The following RAB28 variants were observed in gnomAD, a reference collection of about 807,000 sequenced individuals.
RAB28 encodes the protein ras-related protein Rab-28.
In RAB28, 24 loss-of-function variants were observed where a neutral mutation model predicts 31.7. That is an observed-to-expected ratio of 0.76 (90% CI 0.55 to 1.06). The LOEUF (loss-of-function observed/expected upper bound fraction) is 1.06, where lower values mean the gene tolerates loss of function less well. RAB28 is among the 50% of genes least tolerant of loss of function. The pLI, the probability that RAB28 is intolerant of heterozygous loss-of-function variation, is 0.00. For missense variants in RAB28, 254 were observed against 258.5 expected (o/e 0.98, Z 0.12); for synonymous variants, 100 against 90.4 (o/e 1.11, Z -0.60).
At chr4:13,442,079 C>T (rs1237115000) in intron 4 of RAB28, among the ~76,000 whole-genome samples, 1 of 152,148 alleles carries the variant, frequency 6.6e-6, no homozygotes, top group Non-Finnish European at 1.5e-5. Flanking sequence ...ATACATAAAA[C>T]AGGGTAATCT....
chr4:13,471,770 T>G (rs1716132584), intron 3 of RAB28, among the ~76,000 whole-genome samples: 1 of 152,086 alleles, frequency 6.6e-6, no homozygotes, highest in East Asian at 1.9e-4. Flanking sequence ...ACTAAATTAT[T>G]GTTTAATAAA....
chr4:13,433,143 A>G (rs1215042393), intron 4 of RAB28, among the ~76,000 whole-genome samples: 2 of 151,726 alleles, frequency 1.3e-5, no homozygotes, highest in Admixed American at 6.6e-5. Flanking sequence ...TGAAAGAAAA[A>G]AAAAAAAGAA....
intron 4 of RAB28, among the ~76,000 whole-genome samples, chr4:13,435,452 G>GA: frequency 6.6e-6 from 1 of 151,970 alleles, no homozygotes; most frequent in South Asian, 2.1e-4. Flanking sequence ...TTGGTTCTTT[G>GA]AAAAAATAAA....
At chr4:13,398,853 T>C (rs952105648) in intron 4 of RAB28, among the ~76,000 whole-genome samples, 1 of 151,938 alleles carries the variant, frequency 6.6e-6, no homozygotes, top group African/African-American at 2.4e-5. Flanking sequence ...TATTTTCCCA[T>C]TACCAACAAT....
rs553341298 is a variant in RAB28 at position 13,476,989 on chromosome 4, CCTTA to C, written c.172+2437_172+2440del. ...AAAGTACACTTGGTGCCTTGGTTAA[CCTTA>C]CTTAAAGTGCTGCATAGTCAAGATG... On this transcript the variant is annotated intron_variant, in intron 2 of 6. Transcript: ENST00000330852. Among the ~76,000 whole-genome samples the C allele has an allele frequency of 2.0e-4, 30 of 151,464 alleles. No individual in the cohort carries two copies. The South Asian group carries it at 6.1e-3, about 31-fold the overall frequency.
chr4:13,465,821 T>C (rs898273004), intron 3 of RAB28, among the ~76,000 whole-genome samples: 4 of 150,766 alleles, frequency 2.7e-5, no homozygotes, highest in African/African-American at 9.8e-5. Context: ...GATTTGAAAC[T>C]ATACTACAAA....
rs781740457 is a variant in RAB28 at position 13,398,730 on chromosome 4, ATC to A, written c.392-17138_392-17137del. Reference sequence around the variant, plus strand: ...GAGGTGGAGCTTGCAGTGAGCCGAGATCGCGCCACTGCACTCCAGCCTGGGTG... The same window carrying A: ...GAGGTGGAGCTTGCAGTGAGCCGAGAGCGCCACTGCACTCCAGCCTGGGTG... On this transcript the variant is annotated intron_variant, in intron 4 of 6. Coordinates refer to ENST00000330852, the MANE Select transcript of RAB28 (RefSeq NM_001017979.3). 8.6e-5 allele frequency among the ~76,000 whole-genome samples: 13 copies of A among 151,434 alleles called. No individual in the cohort carries two copies. The East Asian group carries it at 2.5e-3, about 30-fold the overall frequency.
intron 4 of RAB28, among the ~76,000 whole-genome samples, chr4:13,415,734 G>T (rs1056062284): frequency 2.0e-5 from 3 of 152,018 alleles, no homozygotes; most frequent in Non-Finnish European, 2.9e-5. Context: ...TACGGCGCCC[G>T]GTCCCAATGA....
chr4:13,373,258 G>T (rs1419497549), intron 6 of RAB28, among the ~76,000 whole-genome samples: 3 of 151,604 alleles, frequency 2.0e-5, no homozygotes, highest in Admixed American at 1.3e-4. Flanking sequence ...TCTCCTAAAG[G>T]TCTATGTACT....
intron 6 of RAB28, chr4:13,371,170 G>T (rs1183614639): frequency 1.0e-6 from 1 of 985,148 alleles, no homozygotes; most frequent in Non-Finnish European, 1.2e-6. Context: ...ATTAGCCTTG[G>T]GTGGCTTCTG....
chr4:13,465,529 C>T (rs368367393), intron 3 of RAB28, among the ~76,000 whole-genome samples: 2 of 150,318 alleles, frequency 1.3e-5, no homozygotes, highest in South Asian at 4.2e-4. Flanking sequence ...AAAAAAAAAA[C>T]TACCTAGAAT....
At position 13,404,743 on chromosome 4, in the gene RAB28, GA is replaced by G. The variant is rs1203829885; in HGVS notation, c.392-23150del. Among the ~76,000 whole-genome samples the G allele has an allele frequency of 2.6e-5, 4 of 152,068 alleles. No individual in the cohort carries two copies. The East Asian group carries it at 7.7e-4, about 29-fold the overall frequency. ...GTGGTAGGGAGGAAGTTGGAATATG[GA>G]AGGAAACAAAATTATACCAATCAAC... On this transcript the variant is annotated intron_variant, in intron 4 of 6. Transcript: ENST00000330852.
intron 4 of RAB28, among the ~76,000 whole-genome samples, chr4:13,417,092 C>A (rs982785475): frequency 1.3e-5 from 2 of 152,230 alleles, no homozygotes; most frequent in African/African-American, 4.8e-5. Context: ...ATATCCTGCA[C>A]ATGGCTCGGC....
At chr4:13,412,460 C>G (rs141822100) in intron 4 of RAB28, among the ~76,000 whole-genome samples, 6 of 151,984 alleles carry the variant, frequency 3.9e-5, no homozygotes, top group South Asian at 2.1e-4. Context: ...CACAAACAAC[C>G]CTGTGTCGTA....
At position 13,474,303 on chromosome 4, in the gene RAB28, G is replaced by C; in HGVS notation, c.261+15C>G. 1 of 1,529,380 alleles carries C rather than the reference G, an allele frequency of 6.5e-7. No individual in the cohort carries two copies. Among genetic ancestry groups the C allele is most frequent in the African/African-American group, 1.4e-5 (1 of 72,802 alleles). 94.7% of individuals were successfully genotyped at this position (1,529,380 alleles called of 1,614,324 possible). On this transcript the variant is annotated intron_variant, in intron 3 of 6. Transcript: ENST00000330852. ...TATACTTTCAATACTGGAATAATCA[G>C]AATTCATATCATACCTGTGCTCCAT...
At chr4:13,458,137 T>C (rs530431037) in intron 4 of RAB28, among the ~76,000 whole-genome samples, 5 of 152,108 alleles carry the variant, frequency 3.3e-5, no homozygotes, top group Non-Finnish European at 7.4e-5. Context: ...GCAAAACAAA[T>C]GAGCAAAATT....
chr4:13,384,437 G>A (rs563200275), intron 4 of RAB28, among the ~76,000 whole-genome samples: 43 of 152,296 alleles, frequency 2.8e-4, no homozygotes, highest in African/African-American at 7.5e-4. Context: ...GCTGCCTTAC[G>A]AAACACTTTG....
At position 13,479,260 on chromosome 4, in the gene RAB28, T is replaced by C. The variant is rs563247929; in HGVS notation, c.172+170A>G. Among the ~76,000 whole-genome samples the C allele has an allele frequency of 4.6e-5, 7 of 151,740 alleles. No homozygotes were observed. The South Asian group carries it at 1.2e-3, about 27-fold the overall frequency. On this transcript the variant is annotated intron_variant, in intron 2 of 6. Coordinates refer to ENST00000330852, the MANE Select transcript of RAB28 (RefSeq NM_001017979.3). ...AACTTTTTCTTATACCCATGGACAA[T>C]ATGCTTTCATGATAGATTGTGATGA...
At chr4:13,387,988 T>C (rs901925970) in intron 4 of RAB28, among the ~76,000 whole-genome samples, 1 of 151,998 alleles carries the variant, frequency 6.6e-6, no homozygotes, top group Non-Finnish European at 1.5e-5. Context: ...CCCATTACTA[T>C]CATTCAGTAT....
Sources: allele counts gnomAD v4.1 joint callset (sites outside exome capture counted in the v4.1 genomes callset), GRCh38; gene constraint gnomAD v4.1.1; transcripts MANE v1.5; gene names NCBI Gene and HGNC (gene_info 2026-07-23, HGNC 2026-07-21).